Variants in METTL16 observed in about 807,000 individuals in gnomAD.
METTL16 encodes the protein RNA N(6)-adenosine-methyltransferase METTL16.
METTL16 carries 19 observed loss-of-function variants against 57.9 expected under a neutral mutation model. That is an observed-to-expected ratio of 0.33 (90% CI 0.23 to 0.48). The LOEUF is 0.48. Ranked by LOEUF, METTL16 falls within the 20% of genes least tolerant of loss-of-function variation. The probability of loss-of-function intolerance (pLI) is 0.99; values close to 1 mark genes in which losing one functional copy is unlikely to be tolerated. For missense variants in METTL16, 434 were observed against 691.5 expected (o/e 0.63, Z 4.18); for synonymous variants, 246 against 255.6 (o/e 0.96, Z 0.36).
intron 6 of METTL16, among the ~76,000 whole-genome samples, chr17:2,461,810 C>T (rs2067151946): frequency 6.6e-6 from 1 of 152,102 alleles, no homozygotes; most frequent in Non-Finnish European, 1.5e-5. Context: ...AACTCCTGAC[C>T]TCAGGTGATC....
At chr17:2,506,309 C>A (rs1327705225) in intron 1 of METTL16, among the ~76,000 whole-genome samples, 2 of 148,148 alleles carry the variant, frequency 1.3e-5, no homozygotes, top group Non-Finnish European at 3.0e-5. Flanking sequence ...CTCTCCCCCT[C>A]TTGCCACGGT....
chr17:2,449,192 T>C (rs1292165365), intron 6 of METTL16, among the ~76,000 whole-genome samples: 1 of 152,286 alleles, frequency 6.6e-6, no homozygotes, highest in East Asian at 1.9e-4. Context: ...GTGAAAGATA[T>C]TGAAGACCTA....
intron 1 of METTL16, among the ~76,000 whole-genome samples, chr17:2,503,091 C>T (rs940551933): frequency 5.3e-5 from 8 of 152,250 alleles, no homozygotes; most frequent in Admixed American, 2.6e-4. Flanking sequence ...CAATTCCACT[C>T]CTAGGTATAT....
At chr17:2,422,564 G>T in intron 8 of METTL16, among the ~76,000 whole-genome samples, 1 of 151,666 alleles carries the variant, frequency 6.6e-6, no homozygotes, top group East Asian at 2.0e-4. Context: ...TAGAGACGGG[G>T]TTTCACCATG....
At position 2,416,549 on chromosome 17, in the gene METTL16, G is replaced by A. The variant is rs1452364201; in HGVS notation, c.*3421C>T. The stretch of plus-strand genomic sequence containing the variant: ...CCAGGACACACAGCAGAGGTCTGGA[G>A]TGGGGACAGTGCGGCCAGCATGTGT... On this transcript the variant is annotated 3_prime_UTR_variant, in exon 10 of 10. Coordinates refer to ENST00000263092, the MANE Select transcript of METTL16 (RefSeq NM_024086.4). 1.3e-5 allele frequency: 2 copies of A among 152,346 alleles called. No homozygotes were observed. The highest frequency in any genetic ancestry group is 2.9e-5 in the Non-Finnish European group (2 of 68,100). The allele number at this position is 152,346 out of a possible 1,614,324, so 9.4% of individuals were successfully genotyped here. A position where few individuals can be genotyped will look rare whatever the true frequency, so the allele number is the denominator to read the frequency against.
rs954892604 is a variant in METTL16 at position 2,455,087 on chromosome 17, C to CT, written c.728+9120dup. ...AGGCACGTGCCACTATGCCCAGGTA[C>CT]TTTTTTTTTTTTTTTTTTTGAGACG... On this transcript the variant is annotated intron_variant, in intron 6 of 9. Coordinates refer to ENST00000263092, the MANE Select transcript of METTL16 (RefSeq NM_024086.4). 808 of 112,072 alleles carry CT rather than the reference C, an allele frequency of 7.2e-3. 3 individuals carry two copies. The highest frequency in any genetic ancestry group is 0.016 in the South Asian group (100 of 6,286). 6.9% of individuals were successfully genotyped at this position (112,072 alleles called of 1,614,324 possible).
intron 2 of METTL16, among the ~76,000 whole-genome samples, chr17:2,482,749 G>A (rs2067315970): frequency 6.6e-6 from 1 of 152,072 alleles, no homozygotes; most frequent in Non-Finnish European, 1.5e-5. Context: ...TCTACAAATA[G>A]TACAAAAATT....
At chr17:2,503,548 G>A (rs2067506029) in intron 1 of METTL16, among the ~76,000 whole-genome samples, 2 of 151,652 alleles carry the variant, frequency 1.3e-5, no homozygotes, top group Admixed American at 6.6e-5. Flanking sequence ...AAATAAATAT[G>A]GGTCAATGAA....
At chr17:2,454,524 T>C (rs1359092131) in intron 6 of METTL16, among the ~76,000 whole-genome samples, 1 of 151,742 alleles carries the variant, frequency 6.6e-6, no homozygotes, top group Non-Finnish European at 1.5e-5. Context: ...ATTTTAATTA[T>C]TCACTTTTTG....
At chr17:2,490,016 T>C (rs1266846273) in intron 2 of METTL16, among the ~76,000 whole-genome samples, 1 of 152,134 alleles carries the variant, frequency 6.6e-6, no homozygotes, top group Non-Finnish European at 1.5e-5. Flanking sequence ...CGTTCCTCAA[T>C]ATATTACGTT....
intron 6 of METTL16, among the ~76,000 whole-genome samples, chr17:2,463,644 TAG>T (rs1567894747): frequency 6.6e-6 from 1 of 151,762 alleles, no homozygotes; most frequent in Non-Finnish European, 1.5e-5. Flanking sequence ...ATATTTTTAG[TAG>T]AGACAGGGTT....
chr17:2,432,099 C>T (rs1317621387), intron 8 of METTL16, among the ~76,000 whole-genome samples: 1 of 152,138 alleles, frequency 6.6e-6, no homozygotes, highest in African/African-American at 2.4e-5. Flanking sequence ...CGCGCACCAC[C>T]ATGTCCAGCT....
In METTL16 at chr17:2,491,380, C is replaced by T. The variant is rs188032140; in HGVS notation, c.128+10824G>A. 2.0e-3 allele frequency among the ~76,000 whole-genome samples: 298 copies of T among 152,270 alleles called. 3 individuals are homozygous for T. The highest frequency in any genetic ancestry group is 2.9e-4 in the Non-Finnish European group (20 of 68,032). On this transcript the variant is annotated intron_variant, in intron 2 of 9. Coordinates refer to ENST00000263092, the MANE Select transcript of METTL16 (RefSeq NM_024086.4). ...CCATTACAGATGGATTTTGAACAGA[C>T]ACATTTCTGTAATCCATTGTTAAAA... is the stretch of plus-strand genomic sequence containing the variant.
Position 2,420,938 on chromosome 17 carries a change from A to G in METTL16, c.889-34T>C. ...AAAAGGAAGCATAGAAAAGAGAAGA[A>G]AGTTATCCGAATAATTAAACCTCAT... On this transcript the variant is annotated intron_variant, in intron 8 of 9. Coordinates refer to ENST00000263092, the MANE Select transcript of METTL16 (RefSeq NM_024086.4). This position sits in a 1 kb window ranked among gnomAD's most constrained non-coding sequence, Gnocchi z 5.4. 6.3e-7 allele frequency: 1 copy of G among 1,598,506 alleles called. No homozygotes were observed. Among genetic ancestry groups the G allele is most frequent in the Non-Finnish European group, 8.5e-7 (1 of 1,173,494 alleles).
At chr17:2,456,912 C>A (rs537314014) in intron 6 of METTL16, among the ~76,000 whole-genome samples, 10,982 of 150,724 alleles carry the variant, frequency 0.073, 1,179 homozygotes, top group African/African-American at 0.24. Context: ...CTCAGCCTGC[C>A]ATGTAGCTGG....
chr17:2,492,068 G>A (rs376760932), intron 2 of METTL16, among the ~76,000 whole-genome samples: 120 of 147,686 alleles, frequency 8.1e-4, no homozygotes, highest in Admixed American at 2.4e-3. Flanking sequence ...AAAATTAGCC[G>A]GGCGTGGTGG....
chr17:2,477,995 T>A (rs1015156552), intron 2 of METTL16, 110 bp from the exon 3 acceptor site: 17 of 803,470 alleles, frequency 2.1e-5, no homozygotes, highest in Non-Finnish European at 1.8e-5. Flanking sequence ...CCCAGGGAGA[T>A]CACACACAGT....
intron 8 of METTL16, among the ~76,000 whole-genome samples, chr17:2,433,547 CAG>C (rs2066889676): frequency 6.6e-6 from 1 of 152,148 alleles, no homozygotes; most frequent in Non-Finnish European, 1.5e-5. Context: ...CCGTGGCGGG[CAG>C]AGTGTCAGAG....
intron 1 of METTL16, among the ~76,000 whole-genome samples, chr17:2,505,586 G>GA (rs1184550268): frequency 2.0e-5 from 3 of 151,680 alleles, no homozygotes; most frequent in African/African-American, 7.3e-5. Flanking sequence ...TATTTCCTTA[G>GA]AGACTACATT....
Sources: allele counts gnomAD v4.1 joint callset (sites outside exome capture counted in the v4.1 genomes callset), GRCh38; gene constraint gnomAD v4.1.1; non-coding constraint Gnocchi (gnomAD v3.1); transcripts MANE v1.5; gene names NCBI Gene and HGNC (gene_info 2026-07-23, HGNC 2026-07-21).